The following DEFB127 variants were observed in gnomAD, a reference collection of about 807,000 sequenced individuals.
The protein encoded by DEFB127 is defensin beta 127, also known as beta-defensin 127.
DEFB127 carries 2 observed loss-of-function variants against 2.4 expected under a neutral mutation model. The observed-to-expected ratio is 0.82, with a 90% CI of 0.34 to 2.58. The LOEUF is 2.58. DEFB127 is among the 30% of genes most tolerant of loss of function. The probability of loss-of-function intolerance (pLI) is 0.11; values close to 1 mark genes in which losing one functional copy is unlikely to be tolerated. For missense variants in DEFB127, 110 were observed against 113.2 expected (o/e 0.97, Z 0.13); for synonymous variants, 37 against 39.8 (o/e 0.93, Z 0.26).
chr20:158,699 C>A, intron 1 of DEFB127, 75 bp from the exon 2 acceptor site: 1 of 1,478,506 alleles, frequency 6.8e-7, no homozygotes, highest in Non-Finnish European at 9.2e-7. Flanking sequence ...TACAAGCCTC[C>A]TCTGTCTTCC....
At chr20:158,215 T>C (rs1026047160) in intron 1 of DEFB127, among the ~76,000 whole-genome samples, 1 of 152,170 alleles carries the variant, frequency 6.6e-6, no homozygotes, top group African/African-American at 2.4e-5. Context: ...GTGTCCCTTA[T>C]TATAAGAATA....
intron 1 of DEFB127, among the ~76,000 whole-genome samples, chr20:158,513 A>T (rs12626088): frequency 6.6e-6 from 1 of 151,984 alleles, no homozygotes; most frequent in African/African-American, 2.4e-5. Context: ...TTATTTTCTC[A>T]GATAAGATCT....
In DEFB127 at chr20:157,611, C is replaced by A. The variant is rs762985006; in HGVS notation, c.49+18C>A. The A allele has an allele frequency of 6.2e-7, 1 of 1,613,672 alleles. No individual in the cohort carries two copies. The highest frequency in any genetic ancestry group is 8.5e-7 in the Non-Finnish European group (1 of 1,179,756). ...ACCCACAGGTAAACCAAACCAGAAG[C>A]TCACTCAAATCAACAGTGGGATGGA... On this transcript the variant is annotated intron_variant, in intron 1 of 1. Transcript: ENST00000382388.
intron 1 of DEFB127, among the ~76,000 whole-genome samples, chr20:158,460 G>A (rs2054711784): frequency 6.6e-6 from 1 of 152,152 alleles, no homozygotes; most frequent in Non-Finnish European, 1.5e-5. Context: ...AGGTTCCTAT[G>A]TAGAGCATAG....
chr20:157,507 C>A lies in DEFB127; in HGVS notation c.-38C>A. 2 of 1,609,458 alleles carry A rather than the reference C, an allele frequency of 1.2e-6. No individual in the cohort carries two copies. The highest frequency in any genetic ancestry group is 8.5e-7 in the Non-Finnish European group (1 of 1,177,948). Reference sequence around the variant, plus strand: ...TAGCATAGTGTGCAGTTCACTGGACCAAAAGCTTTGGCTGCACCTCTTCTG... The same window carrying A: ...TAGCATAGTGTGCAGTTCACTGGACAAAAAGCTTTGGCTGCACCTCTTCTG... On this transcript the variant is annotated 5_prime_UTR_variant, in exon 1 of 2. Transcript: ENST00000382388.
chr20:157,637 G>A (rs767189548), intron 1 of DEFB127, 44 bp downstream of exon 1: 3 of 1,608,236 alleles, frequency 1.9e-6, no homozygotes, highest in East Asian at 2.2e-5. Context: ...GTGGGATGGA[G>A]CATTTTCAGG....
At position 159,104 on chromosome 20, in the gene DEFB127, T is replaced by C. The variant is rs4142304; in HGVS notation, c.*80T>C. On this transcript the variant is annotated 3_prime_UTR_variant, in exon 2 of 2. Coordinates refer to ENST00000382388, the MANE Select transcript of DEFB127 (RefSeq NM_139074.4). ...TGATGAGATATACATCTTCTTCCTT[T>C]TGGTTTCTTGATCCTTAAAATGACC... The C allele has an allele frequency of 0.99, 1,416,508 of 1,434,826 alleles. 700,976 individuals are homozygous for C. The highest frequency in any genetic ancestry group is 1 in the East Asian group (43,161 of 43,162). The allele number at this position is 1,434,826 out of a possible 1,614,324, so 88.9% of individuals were successfully genotyped here. A position where few individuals can be genotyped will look rare whatever the true frequency, so the allele number is the denominator to read the frequency against.
At chr20:157,656 G>T (rs545704529) in intron 1 of DEFB127, 63 bp downstream of exon 1, 12 of 1,580,788 alleles carry the variant, frequency 7.6e-6, no homozygotes, top group Non-Finnish European at 1.0e-5. Context: ...GGAGCCAAAG[G>T]GAACTTCATA....
chr20:158,521 T>C (rs1017686938), intron 1 of DEFB127, among the ~76,000 whole-genome samples: 2 of 152,152 alleles, frequency 1.3e-5, no homozygotes, highest in Non-Finnish European at 2.9e-5. Context: ...TCAGATAAGA[T>C]CTTATGTTCT....
At position 158,793 on chromosome 20, in the gene DEFB127, G is replaced by C. The variant is rs759743600; in HGVS notation, c.69G>C (p.Lys23Asn). Residue 23 changes from lysine (K) to asparagine (N), a missense_variant, in exon 2 of 2, where the codon AAG (lysine) becomes AAC (asparagine). Coordinates refer to ENST00000382388, the MANE Select transcript of DEFB127 (RefSeq NM_139074.4). ...QKPTVTEQLK[K>N]CWNNYVQGHC... is the part of the protein sequence containing the mutation. ...GTATAGTAACCGAACAACTTAAGAA[G>C]TGCTGGAATAACTATGTACAAGGAC... 6.2e-7 allele frequency: 1 copy of C among 1,612,580 alleles called. No homozygotes were observed. Among genetic ancestry groups the C allele is most frequent in the African/African-American group, 1.3e-5 (1 of 74,852 alleles).
chr20:158,820 T>C lies in DEFB127; in HGVS notation c.96T>C (p.His32=). 2 of 1,613,440 alleles carry C rather than the reference T, an allele frequency of 1.2e-6. No individual in the cohort carries two copies. Among genetic ancestry groups the C allele is most frequent in the Non-Finnish European group, 1.7e-6 (2 of 1,179,554 alleles). The change falls in exon 2 of 2, where the codon CAT becomes CAC. Residue 32 remains histidine (H), a synonymous_variant. Transcript: ENST00000382388. The stretch of plus-strand genomic sequence containing the variant: ...GCTGGAATAACTATGTACAAGGACA[T>C]TGCAGGAAAATCTGCAGAGTAAATG... ...KKCWNNYVQG[H]CRKICRVNEV... is the part of the protein sequence containing the mutation.
intron 1 of DEFB127, among the ~76,000 whole-genome samples, chr20:158,566 A>G (rs988312310): frequency 6.6e-6 from 1 of 152,128 alleles, no homozygotes; most frequent in Non-Finnish European, 1.5e-5. Flanking sequence ...GGAGGCCTAA[A>G]ACCTCACAGG....
chr20:158,725 C>G (rs905895926), intron 1 of DEFB127, 49 bp from the exon 2 acceptor site: 2 of 1,557,364 alleles, frequency 1.3e-6, no homozygotes, highest in Non-Finnish European at 1.7e-6. Context: ...ACCAACGTGC[C>G]TTCAGTCTCA....
chr20:157,816 G>A (rs1401253807), intron 1 of DEFB127, among the ~76,000 whole-genome samples: 2 of 152,122 alleles, frequency 1.3e-5, no homozygotes, highest in African/African-American at 4.8e-5. Context: ...TTTCTTCTGG[G>A]AAAGATGTGT....
chr20:158,920 A>T lies in DEFB127; in HGVS notation c.196A>T (p.Ile66Phe). The change falls in exon 2 of 2, where the codon ATT becomes TTT. Residue 66 changes from isoleucine to phenylalanine, a missense_variant. Transcript: ENST00000382388. ...CAAGGAACTGGAAGCATGTAAAAAAATTACAAAGCCACCTCGTCCAAAGCC... is the reference window on the plus strand; with the variant it reads ...CAAGGAACTGGAAGCATGTAAAAAATTTACAAAGCCACCTCGTCCAAAGCC... ...NIKELEACKKITKPPRPKPAT... is the reference protein window; with the variant it reads ...NIKELEACKKFTKPPRPKPAT... The T allele has an allele frequency of 9.9e-6, 16 of 1,613,778 alleles. No homozygotes were observed. The highest frequency in any genetic ancestry group is 1.4e-5 in the Non-Finnish European group (16 of 1,179,788).
At position 158,757 on chromosome 20, in the gene DEFB127, C is replaced by A. The variant is rs1001586049; in HGVS notation, c.50-17C>A. 8 of 1,597,698 alleles carry A rather than the reference C, an allele frequency of 5.0e-6. No homozygotes were observed. Among genetic ancestry groups the A allele is most frequent in the Non-Finnish European group, 6.8e-6 (8 of 1,172,678 alleles). On this transcript the variant is annotated splice_polypyrimidine_tract_variant and intron_variant, in intron 1 of 1. Coordinates refer to ENST00000382388, the MANE Select transcript of DEFB127 (RefSeq NM_139074.4). The stretch of plus-strand genomic sequence containing the variant: ...CTCAAACACTGATATTGTTCTATTG[C>A]TCCTTTCTGTGTATAGTAACCGAAC...
In DEFB127 at chr20:159,010, A is replaced by T; in HGVS notation, c.286A>T (p.Thr96Ser). Residue 96 changes from threonine to serine, a missense_variant, in exon 2 of 2, where the codon ACA (threonine) becomes TCA (serine). Coordinates refer to ENST00000382388, the MANE Select transcript of DEFB127 (RefSeq NM_139074.4). ...AATAGAAAATTTCCCAAGCCTGAAG[A>T]CACAGTCTACATAAATCAAATACAA... ...TIIENFPSLK[T>S]QST 6.2e-7 allele frequency: 1 copy of T among 1,609,354 alleles called. No individual in the cohort carries two copies. Among genetic ancestry groups the T allele is most frequent in the Non-Finnish European group, 8.5e-7 (1 of 1,178,340 alleles).
At chr20:157,684 A>G (rs1756382936) in intron 1 of DEFB127, 91 bp downstream of exon 1, 2 of 1,425,464 alleles carry the variant, frequency 1.4e-6, no homozygotes, top group South Asian at 1.2e-5. Context: ...CTAAAGGGAA[A>G]TAGAGCCCCC....
At chr20:158,696 C>T in intron 1 of DEFB127, 78 bp from the exon 2 acceptor site, 1 of 1,450,150 alleles carries the variant, frequency 6.9e-7, no homozygotes, top group East Asian at 2.3e-5. Context: ...TCCTACAAGC[C>T]TCCTCTGTCT....
Sources: gnomAD v4.1 joint callset for allele counts (sites outside exome capture counted in the v4.1 genomes callset) on GRCh38, gnomAD v4.1.1 for gene constraint, MANE v1.5 for transcripts, NCBI Gene and HGNC (gene_info 2026-07-23, HGNC 2026-07-21) for gene names.